The following PLEKHA7 variants were observed in gnomAD, a reference collection of about 807,000 sequenced individuals.
PLEKHA7 encodes the protein pleckstrin homology domain containing A7.
A neutral mutation model predicts 170.0 loss-of-function variants in PLEKHA7; 104 were observed. The observed-to-expected ratio is 0.61, with a 90% CI of 0.52 to 0.72. The LOEUF (loss-of-function observed/expected upper bound fraction) is 0.72, where lower values mean the gene tolerates loss of function less well. Among genes scored for constraint, PLEKHA7 ranks in the 30% least tolerant of loss-of-function variants. PLEKHA7 has a pLI of 0.00. For missense variants in PLEKHA7, 1,615 were observed against 1,671.7 expected, an observed-to-expected ratio of 0.97 and a Z score of 0.59; for synonymous variants, 648 against 660.8, an observed-to-expected ratio of 0.98 and a Z score of 0.30.
intron 3 of PLEKHA7, chr11:16,881,656 C>T (rs392509): frequency 0.46 from 69,188 of 151,642 alleles, 16,380 homozygotes; most frequent in Non-Finnish European, 0.54. Context: ...CCCTCTAGAA[C>T]CAGGACATAA....
At position 16,826,299 on chromosome 11, in the gene PLEKHA7, G is replaced by A; in HGVS notation, c.1164C>T (p.Pro388=). The part of the protein sequence containing the change: ...PTGPRGQQAQ[P]QRAEKNGMLP... ...GCATTCCATTCTTCTCTGCCCGTTG[G>A]GGCTGTGCCTGCTGGCCTCTTGGGC... The change falls in exon 10 of 27, where the codon CCC becomes CCT. Residue 388 remains proline, a synonymous_variant. Transcript: ENST00000531066. The A allele has an allele frequency of 6.2e-7, 1 of 1,614,208 alleles. No homozygotes were observed.
chr11:17,013,948 C>A (rs957536706), intron 3 of PLEKHA7, 41 bp downstream of exon 3: 34 of 1,507,006 alleles, frequency 2.3e-5, no homozygotes, highest in Middle Eastern at 2.3e-4. Flanking sequence ...GGACCCCCCC[C>A]CCGCGGCACA....
At position 16,961,066 on chromosome 11, in the gene PLEKHA7, T is replaced by G. The variant is rs148996621; in HGVS notation, c.221+52923A>C. 8.3e-3 allele frequency among the ~76,000 whole-genome samples: 1,260 copies of G among 152,312 alleles called. 20 individuals carry two copies. The highest frequency in any genetic ancestry group is 0.029 in the African/African-American group (1,190 of 41,560). ...CCCCGTGCCCAAGAGGGGGTCTCTG[T>G]CTAAAAAGCTTGATTCTCTGAAACA... On this transcript the variant is annotated intron_variant, in intron 3 of 26. Transcript: ENST00000531066.
chr11:16,981,704 TGAG>T (rs749885479), intron 3 of PLEKHA7, among the ~76,000 whole-genome samples: 27 of 151,632 alleles, frequency 1.8e-4, no homozygotes, highest in South Asian at 6.3e-4. Flanking sequence ...AATGAAGGAA[TGAG>T]GAGGAGTGGG....
chr11:16,853,720 G>C (rs903362821), intron 6 of PLEKHA7, among the ~76,000 whole-genome samples: 1 of 152,234 alleles, frequency 6.6e-6, no homozygotes, highest in South Asian at 2.1e-4. Context: ...AAAAAGACAA[G>C]GGCAAATGTA....
intron 3 of PLEKHA7, among the ~76,000 whole-genome samples, chr11:16,915,491 T>TC (rs2136194097): frequency 6.6e-6 from 1 of 150,642 alleles, no homozygotes; most frequent in South Asian, 2.1e-4. Context: ...TAGGCATATC[T>TC]CCCAATGCTA....
At chr11:16,939,287 G>A (rs1211595372) in intron 3 of PLEKHA7, among the ~76,000 whole-genome samples, 2 of 152,024 alleles carry the variant, frequency 1.3e-5, no homozygotes, top group Admixed American at 6.6e-5. Flanking sequence ...GGTGGTGCAC[G>A]CCTATAACCC....
chr11:16,826,222 C>G lies in PLEKHA7; in HGVS notation c.1241G>C (p.Arg414Pro), dbSNP rs142707808. 1 of 1,614,222 alleles carries G rather than the reference C, an allele frequency of 6.2e-7. No homozygotes were observed. The highest frequency in any genetic ancestry group is 1.7e-5 in the Admixed American group (1 of 60,024). The change falls in exon 10 of 27, where the codon CGG becomes CCG. Residue 414 changes from arginine to proline, a missense_variant. Arg to Pro is a moderately radical substitution (Grantham distance 103). Coordinates refer to ENST00000531066, the MANE Select transcript of PLEKHA7 (RefSeq NM_001329630.2). ...AGGGTTGGTCCTGGGAGGAAAGGCC[C>G]GCTGGTACCCACCAGTCCCATTCTG... ...GEQNGTGGYQ[R>P]AFPPRTNPEK...
rs35725815 is a variant in PLEKHA7, at chr11:16,982,780, TACACACACAC to T, written c.221+31199_221+31208del. Among the ~76,000 whole-genome samples the T allele has an allele frequency of 2.2e-3, 312 of 144,122 alleles. 2 individuals carry two copies. The highest frequency in any genetic ancestry group is 3.9e-3 in the Non-Finnish European group (261 of 66,626). 94.5% of individuals were successfully genotyped at this position (144,122 alleles called of 152,430 possible). Reference sequence around the variant, plus strand: ...AGACTTCACCTCCCTCACTATCCCCTACACACACACACACACACACACACACGGAGAAAGA... The same window carrying T: ...AGACTTCACCTCCCTCACTATCCCCTACACACACACACACACGGAGAAAGA... On this transcript the variant is annotated intron_variant, in intron 3 of 26. Coordinates refer to ENST00000531066, the MANE Select transcript of PLEKHA7 (RefSeq NM_001329630.2).
At chr11:16,807,922 T>C (rs373193352) in intron 13 of PLEKHA7, among the ~76,000 whole-genome samples, 3 of 152,360 alleles carry the variant, frequency 2.0e-5, no homozygotes, top group East Asian at 1.9e-4. Context: ...GTGATTCGAA[T>C]ATGCAGCCAG....
At chr11:16,780,943 T>A (rs1179972411) in intron 26 of PLEKHA7, 1 of 977,142 alleles carries the variant, frequency 1.0e-6, no homozygotes, top group Non-Finnish European at 1.2e-6. Context: ...GGCTCTTACT[T>A]GGAAGGTGTT....
At chr11:16,795,124 T>TGCTG in intron 17 of PLEKHA7, 106 bp from the exon 18 acceptor site, 1 of 805,714 alleles carries the variant, frequency 1.2e-6, no homozygotes, top group Non-Finnish European at 2.1e-6. Context: ...AGGGGCAGCA[T>TGCTG]CCCCTCTGGA....
intron 3 of PLEKHA7, among the ~76,000 whole-genome samples, chr11:16,898,204 C>T (rs76168667): frequency 0.011 from 1,749 of 152,270 alleles, 37 homozygotes; most frequent in African/African-American, 0.04. Flanking sequence ...TTTTATAGAT[C>T]TCATAAATTC....
At chr11:16,941,375 T>C (rs982610247) in intron 3 of PLEKHA7, among the ~76,000 whole-genome samples, 1 of 152,184 alleles carries the variant, frequency 6.6e-6, no homozygotes, top group Non-Finnish European at 1.5e-5. Flanking sequence ...TGGATCTCTA[T>C]TGTTTTTCTC....
At chr11:16,942,548 G>A (rs1860762478) in intron 3 of PLEKHA7, among the ~76,000 whole-genome samples, 1 of 152,204 alleles carries the variant, frequency 6.6e-6, no homozygotes, top group African/African-American at 2.4e-5. Flanking sequence ...TCTCAGCCCT[G>A]CTGTGTGAGT....
At chr11:16,816,135 A>G in intron 12 of PLEKHA7, 43 bp downstream of exon 12, 1 of 1,502,558 alleles carries the variant, frequency 6.7e-7, no homozygotes, top group South Asian at 1.1e-5. Flanking sequence ...GAAAATGTTG[A>G]TGAGATAGGG....
rs1300160312 is a variant in PLEKHA7, at chr11:16,791,787, G to C, written c.2746-588C>G. On this transcript the variant is annotated intron_variant, in intron 19 of 26. Coordinates refer to ENST00000531066, the MANE Select transcript of PLEKHA7 (RefSeq NM_001329630.2). This position sits in a 1 kb window ranked among gnomAD's most constrained non-coding sequence, Gnocchi z 4.5. ...CAGACAGAACAGGCGGTCAGGATGA[G>C]TGACTCACTGCCTACCATGCAGTTC... 1 of 415,452 alleles carries C rather than the reference G, an allele frequency of 2.4e-6. No homozygotes were observed. Among genetic ancestry groups the C allele is most frequent in the African/African-American group, 2.0e-5 (1 of 49,344 alleles). The allele number at this position is 415,452 out of a possible 1,614,324, so 25.7% of individuals were successfully genotyped here.
At chr11:16,780,804 C>T (rs898033024) in intron 26 of PLEKHA7, 12 of 171,514 alleles carry the variant, frequency 7.0e-5, no homozygotes, top group African/African-American at 2.2e-4. Context: ...AGAACAGTCC[C>T]GCCAGCGGCC....
At position 16,789,948 on chromosome 11, in the gene PLEKHA7, C is replaced by T. The variant is rs1847722285; in HGVS notation, c.3053-70G>A. The T allele has an allele frequency of 1.4e-5, 19 of 1,332,952 alleles. No individual in the cohort carries two copies. The highest frequency in any genetic ancestry group is 1.9e-5 in the Non-Finnish European group (18 of 931,594). 82.6% of individuals were successfully genotyped at this position (1,332,952 alleles called of 1,614,324 possible). A position where few individuals can be genotyped will look rare whatever the true frequency, so the allele number is the denominator to read the frequency against. ...ATGGGTCCCTGCTTCTCCCTCATCA[C>T]ACATTCTTGCAGGAGTACCAAGAGC... On this transcript the variant is annotated intron_variant, in intron 21 of 26. Transcript: ENST00000531066. This position sits in a 1 kb window ranked among gnomAD's most constrained non-coding sequence, Gnocchi z 4.6.
Sources: allele counts gnomAD v4.1 joint callset (sites outside exome capture counted in the v4.1 genomes callset), GRCh38; gene constraint gnomAD v4.1.1; non-coding constraint Gnocchi (gnomAD v3.1); transcripts MANE v1.5; gene names NCBI Gene and HGNC (gene_info 2026-07-23, HGNC 2026-07-21).